Variants in PCDH15 observed in about 807,000 individuals in gnomAD.
PCDH15 encodes protocadherin-15.
A neutral mutation model predicts 178.5 loss-of-function variants in PCDH15; 129 were observed. That is an observed-to-expected ratio of 0.72 (90% CI 0.63 to 0.84). The LOEUF is 0.84. Ranked by LOEUF, PCDH15 falls within the 40% of genes least tolerant of loss-of-function variation. The pLI, the probability that PCDH15 is intolerant of heterozygous loss-of-function variation, is 0.00. For missense variants in PCDH15, 2,230 were observed against 2,099.9 expected (o/e 1.06, Z -1.21); for synonymous variants, 800 against 732.0 (o/e 1.09, Z -1.50).
intron 3 of PCDH15, among the ~76,000 whole-genome samples, chr10:54,393,079 G>T (rs1303318878): frequency 6.6e-6 from 1 of 151,906 alleles, no homozygotes; most frequent in African/African-American, 2.4e-5. Flanking sequence ...TCTGAATTTA[G>T]ATTCAAGCAC....
intron 22 of PCDH15, 77 bp downstream of exon 22, chr10:53,961,675 T>C (rs1208381490): frequency 9.5e-7 from 1 of 1,053,314 alleles, no homozygotes; most frequent in African/African-American, 1.7e-5. Flanking sequence ...GAAAAAAATG[T>C]GCTGTCATCT....
At chr10:54,473,682 T>C (rs2136741553) in intron 3 of PCDH15, among the ~76,000 whole-genome samples, 1 of 152,122 alleles carries the variant, frequency 6.6e-6, no homozygotes, top group South Asian at 2.1e-4. Context: ...AAAAATAATA[T>C]AACAATCCAT....
At chr10:54,738,696 A>C (rs969817851) in intron 1 of PCDH15, among the ~76,000 whole-genome samples, 1 of 152,052 alleles carries the variant, frequency 6.6e-6, no homozygotes, top group Non-Finnish European at 1.5e-5. Context: ...CAATAAAAAG[A>C]TATTTCACCA....
chr10:54,419,937 G>C (rs373242410), intron 3 of PCDH15, among the ~76,000 whole-genome samples: 9 of 152,066 alleles, frequency 5.9e-5, no homozygotes, highest in African/African-American at 2.2e-4. Context: ...AGTATGTTTA[G>C]GAGCTTCAAA....
chr10:55,293,482 A>T (rs750500434), intron 1 of PCDH15, among the ~76,000 whole-genome samples: 1 of 152,182 alleles, frequency 6.6e-6, no homozygotes, highest in African/African-American at 2.4e-5. Context: ...ATTCTTTTCT[A>T]TCGCATTGTT....
intron 2 of PCDH15, among the ~76,000 whole-genome samples, chr10:55,139,487 C>T (rs1838290084): frequency 6.6e-6 from 1 of 151,988 alleles, no homozygotes; most frequent in Non-Finnish European, 1.5e-5. Context: ...GTTTGAGGTT[C>T]ATTATTTGCC....
chr10:54,929,698 A>T (rs1377390804), intron 2 of PCDH15, among the ~76,000 whole-genome samples: 1 of 152,166 alleles, frequency 6.6e-6, no homozygotes, highest in Non-Finnish European at 1.5e-5. Context: ...AAATTTCACA[A>T]ACAAGTCTGA....
chr10:54,812,714 C>T (rs1301272285), intron 3 of PCDH15, among the ~76,000 whole-genome samples: 1 of 152,102 alleles, frequency 6.6e-6, no homozygotes, highest in Non-Finnish European at 1.5e-5. Context: ...GCCTCGGCCT[C>T]CCAAAGTGCT....
chr10:55,314,623 C>G (rs934189778), intron 1 of PCDH15, among the ~76,000 whole-genome samples: 1 of 151,364 alleles, frequency 6.6e-6, no homozygotes, highest in Non-Finnish European at 1.5e-5. Context: ...TTCCCTTTCA[C>G]TACAGTATAG....
At chr10:54,072,699 CAGT>C in intron 17 of PCDH15, among the ~76,000 whole-genome samples, 1 of 152,052 alleles carries the variant, frequency 6.6e-6, no homozygotes, top group South Asian at 2.1e-4. Context: ...GAAATAATCA[CAGT>C]AGTTTTCAGG....
chr10:55,542,441 G>A (rs1841785909), intron 2 of PCDH15, among the ~76,000 whole-genome samples: 1 of 150,676 alleles, frequency 6.6e-6, no homozygotes, highest in Non-Finnish European at 1.5e-5. Flanking sequence ...TACAGTATAT[G>A]TAATATATGT....
At chr10:55,435,822 A>G (rs1251368227) in intron 2 of PCDH15, among the ~76,000 whole-genome samples, 1 of 152,184 alleles carries the variant, frequency 6.6e-6, no homozygotes, top group African/African-American at 2.4e-5. Flanking sequence ...TAATAAAGAC[A>G]CATTAACAGA....
At chr10:55,059,093 AC>A (rs937177163) in intron 2 of PCDH15, among the ~76,000 whole-genome samples, 2 of 152,184 alleles carry the variant, frequency 1.3e-5, no homozygotes, top group African/African-American at 4.8e-5. Flanking sequence ...CAACATGGTC[AC>A]TGGAGCACAG....
At chr10:54,572,549 G>T (rs2089974016) in intron 2 of PCDH15, among the ~76,000 whole-genome samples, 2 of 152,110 alleles carry the variant, frequency 1.3e-5, no homozygotes, top group Admixed American at 6.6e-5. Context: ...ATTTAATCTT[G>T]TCAAGTTCTC....
In PCDH15 at chr10:54,185,187, G is replaced by A. The variant is rs2048378497; in HGVS notation, c.1387C>T (p.Leu463Phe). 5.6e-6 allele frequency: 9 copies of A among 1,613,540 alleles called. No homozygotes were observed. Among genetic ancestry groups the A allele is most frequent in the South Asian group, 1.1e-5 (1 of 91,084 alleles). Residue 463 changes from leucine to phenylalanine, a missense_variant, in exon 12 of 38, where the codon CTC becomes TTC. Physicochemically the swap from Leu to Phe is conservative, Grantham distance 22. Transcript: ENST00000644397. ...TVTQTGITRYLTLLQPVDREE... is the reference protein window; with the variant it reads ...TVTQTGITRYFTLLQPVDREE... ...CTGTCCACTGGTTGAAGTAAGGTGAGGTAGCGAGTAATACCAGTCTGTGTG... is the reference window on the plus strand; with the variant it reads ...CTGTCCACTGGTTGAAGTAAGGTGAAGTAGCGAGTAATACCAGTCTGTGTG...
intron 2 of PCDH15, among the ~76,000 whole-genome samples, chr10:54,931,607 GT>G (rs1299520597): frequency 6.6e-6 from 1 of 152,166 alleles, no homozygotes; most frequent in Non-Finnish European, 1.5e-5. Context: ...GGTATTCACT[GT>G]TATTCATCCT....
At chr10:55,020,819 T>C (rs989001601) in intron 2 of PCDH15, among the ~76,000 whole-genome samples, 4 of 152,206 alleles carry the variant, frequency 2.6e-5, no homozygotes, top group African/African-American at 9.6e-5. Context: ...TGTAAATTGA[T>C]GCCTTATCTT....
In PCDH15 at chr10:53,841,399, G is replaced by A. The variant is rs1216511194; in HGVS notation, c.3807-903C>T. Among the ~76,000 whole-genome samples, 5 of 151,970 alleles carry A rather than the reference G, an allele frequency of 3.3e-5. No individual in the cohort carries two copies. The East Asian group carries it at 7.7e-4, about 23-fold the overall frequency. ...TTGAGGTTTTTTTAGGGGGAGAAGG[G>A]CAATATATTCTAAAGTCCTTTGATA... On this transcript the variant is annotated intron_variant, in intron 28 of 37. Transcript: ENST00000644397.
At chr10:55,484,181 C>A (rs1256680410) in intron 2 of PCDH15, among the ~76,000 whole-genome samples, 1 of 151,602 alleles carries the variant, frequency 6.6e-6, no homozygotes, top group Non-Finnish European at 1.5e-5. Flanking sequence ...GGAAAAACAA[C>A]TAATGGGTAC....
Sources: allele counts gnomAD v4.1 joint callset (sites outside exome capture counted in the v4.1 genomes callset), GRCh38; gene constraint gnomAD v4.1.1; transcripts MANE v1.5; gene names NCBI Gene and HGNC (gene_info 2026-07-23, HGNC 2026-07-21).